The following RBFOX1 variants were observed in gnomAD, a reference collection of about 807,000 sequenced individuals.
The protein encoded by RBFOX1 is RNA binding fox-1 homolog 1, also known as RNA binding protein fox-1 homolog 1.
Under a neutral mutation model 57.7 loss-of-function variants are expected in RBFOX1, and 8 were observed. That is an observed-to-expected ratio of 0.14 (90% CI 0.08 to 0.25). The LOEUF is 0.25. Ranked by LOEUF, RBFOX1 falls within the 10% of genes least tolerant of loss-of-function variation. RBFOX1 has a pLI of 1.00. For synonymous variants in RBFOX1, 326 were observed against 222.4 expected (o/e 1.47, Z -4.15); for missense variants, 611 against 548.5 (o/e 1.11, Z -1.14).
At chr16:7,017,800 T>C (rs2093989857) in intron 3 of RBFOX1, among the ~76,000 whole-genome samples, 1 of 152,218 alleles carries the variant, frequency 6.6e-6, no homozygotes, top group African/African-American at 2.4e-5. Flanking sequence ...AACATCGTGG[T>C]GTGCTTAAGC....
At chr16:5,772,539 T>C (rs142823188) in intron 3 of RBFOX1, among the ~76,000 whole-genome samples, 14 of 152,262 alleles carry the variant, frequency 9.2e-5, no homozygotes, top group African/African-American at 3.4e-4. Flanking sequence ...AGAAAGTGAA[T>C]AATGAGTCCT....
intron 4 of RBFOX1, among the ~76,000 whole-genome samples, chr16:7,410,083 A>G (rs901233658): frequency 2.0e-5 from 3 of 152,166 alleles, no homozygotes; most frequent in Non-Finnish European, 4.4e-5. Flanking sequence ...GATGATGATG[A>G]TAGTAGTAGA....
At chr16:5,741,434 T>C (rs1405362928) in intron 3 of RBFOX1, among the ~76,000 whole-genome samples, 1 of 152,202 alleles carries the variant, frequency 6.6e-6, no homozygotes, top group African/African-American at 2.4e-5. Context: ...AAAGTGGATG[T>C]GATTTCTGAC....
At chr16:6,549,055 A>G (rs2096934216) in intron 2 of RBFOX1, among the ~76,000 whole-genome samples, 1 of 144,150 alleles carries the variant, frequency 6.9e-6, no homozygotes, top group Admixed American at 7.1e-5. Context: ...AGCCTGGGCA[A>G]CAGAGCAAGA....
At chr16:5,619,446 G>T (rs976930832) in intron 3 of RBFOX1, among the ~76,000 whole-genome samples, 1 of 152,242 alleles carries the variant, frequency 6.6e-6, no homozygotes, top group East Asian at 1.9e-4. Context: ...TTGATTTTAT[G>T]ACCTCATCTC....
chr16:7,647,345 T>A (rs1163130087), intron 11 of RBFOX1, among the ~76,000 whole-genome samples: 1 of 152,220 alleles, frequency 6.6e-6, no homozygotes, highest in Non-Finnish European at 1.5e-5. Context: ...TGTGTTGTAG[T>A]GATACCAGAT....
intron 3 of RBFOX1, among the ~76,000 whole-genome samples, chr16:7,003,117 C>T (rs541810668): frequency 1.3e-5 from 2 of 151,602 alleles, no homozygotes; most frequent in South Asian, 2.1e-4. Context: ...AGGAGCATTG[C>T]GTAAAATGGG....
At chr16:7,519,774 A>T in intron 5 of RBFOX1, 1 of 929,684 alleles carries the variant, frequency 1.1e-6, no homozygotes, top group Non-Finnish European at 1.3e-6. Context: ...TTTGTGAAGG[A>T]GTTTATGGCT....
chr16:7,020,133 G>C (rs189412363), intron 3 of RBFOX1, among the ~76,000 whole-genome samples: 34 of 152,184 alleles, frequency 2.2e-4, no homozygotes, highest in African/African-American at 7.9e-4. Context: ...CTCAGGCCAG[G>C]TGCGGCGTAC....
intron 2 of RBFOX1, among the ~76,000 whole-genome samples, chr16:5,501,547 T>C (rs1012812052): frequency 1.3e-5 from 2 of 152,062 alleles, no homozygotes; most frequent in Non-Finnish European, 2.9e-5. Flanking sequence ...AGGCTGGCTT[T>C]GGCTAAATTA....
At chr16:6,675,427 C>G (rs754418442) in intron 3 of RBFOX1, among the ~76,000 whole-genome samples, 1 of 152,050 alleles carries the variant, frequency 6.6e-6, no homozygotes, top group South Asian at 2.1e-4. Flanking sequence ...GCAGAGCAAA[C>G]TGGCCCAGAA....
intron 3 of RBFOX1, among the ~76,000 whole-genome samples, chr16:5,825,868 A>G (rs1342242468): frequency 2.5e-5 from 3 of 120,932 alleles, no homozygotes; most frequent in Non-Finnish European, 1.8e-5. Context: ...TGAATAAGGA[A>G]TAATATTCCG....
intron 2 of RBFOX1, among the ~76,000 whole-genome samples, chr16:5,584,866 T>A (rs78030312): frequency 2.6e-5 from 4 of 152,188 alleles, no homozygotes; most frequent in Non-Finnish European, 5.9e-5. Flanking sequence ...AGAGGAAAGC[T>A]TCTTTTGATT....
At chr16:5,424,878 TCTTTCTTTCTTTC>T (rs1284810560) in intron 1 of RBFOX1, among the ~76,000 whole-genome samples, 7 of 11,080 alleles carry the variant, frequency 6.3e-4, no homozygotes, top group African/African-American at 1.8e-3. Flanking sequence ...TTCTTTTTTT[TCTTTCTTTCTTTC>T]TTTCTTTCTT....
rs1397882507 is a variant in RBFOX1, at chr16:5,922,227, C to A, written c.351+54892C>A. 2.0e-5 allele frequency among the ~76,000 whole-genome samples: 3 copies of A among 152,132 alleles called. No individual in the cohort carries two copies. In the East Asian group the frequency reaches 5.8e-4, roughly 29 times the overall value. Reference sequence around the variant, plus strand: ...CTCAGAGCGAGAACTCACTCATCACCAAGGGGATGGTGTTAATCCATTCAT... The same window carrying A: ...CTCAGAGCGAGAACTCACTCATCACAAAGGGGATGGTGTTAATCCATTCAT... On this transcript the variant is annotated intron_variant, in intron 4 of 19. Coordinates refer to the RBFOX1 transcript ENST00000641259.
At position 7,433,935 on chromosome 16, in the gene RBFOX1, C is replaced by G. The variant is rs534478783; in HGVS notation, c.28-84212C>G. ...AAAGGTGGTAGATAGGTATGTTAGA[C>G]AATTCATTTATAAGCTGAATAGTTA... On this transcript the variant is annotated intron_variant, in intron 4 of 15. Coordinates refer to ENST00000550418, the MANE Select transcript of RBFOX1 (RefSeq NM_018723.4). 2.6e-5 allele frequency among the ~76,000 whole-genome samples: 4 copies of G among 152,284 alleles called. No individual in the cohort carries two copies. The South Asian group carries it at 8.3e-4, about 32-fold the overall frequency.
chr16:5,342,619 G>T (rs1180986636), intron 1 of RBFOX1, among the ~76,000 whole-genome samples: 1 of 152,180 alleles, frequency 6.6e-6, no homozygotes, highest in Non-Finnish European at 1.5e-5. Flanking sequence ...AATGCTGCAA[G>T]TACCACTGAG....
chr16:6,160,732 C>T (rs1047529523), intron 1 of RBFOX1, among the ~76,000 whole-genome samples: 2 of 152,180 alleles, frequency 1.3e-5, no homozygotes, highest in Admixed American at 6.5e-5. Context: ...CATCTTGCCT[C>T]CTGCAACTGC....
chr16:6,263,982 C>T (rs1053174373), intron 1 of RBFOX1, among the ~76,000 whole-genome samples: 2 of 152,058 alleles, frequency 1.3e-5, no homozygotes, highest in Non-Finnish European at 1.5e-5. Context: ...GGGGCTAAAA[C>T]ATTTTTTTTT....
Sources: allele counts gnomAD v4.1 joint callset (sites outside exome capture counted in the v4.1 genomes callset), GRCh38; gene constraint gnomAD v4.1.1; transcripts MANE v1.5; gene names NCBI Gene and HGNC (gene_info 2026-07-23, HGNC 2026-07-21).